ZNF469: variants seen among roughly 807,000 people sequenced by gnomAD.
ZNF469 encodes zinc finger protein 469.
ZNF469 carries 1 observed loss-of-function variant against 1.0 expected under a neutral mutation model. The observed-to-expected ratio is 1.00, with a 90% CI of 0.35 to 4.73. ZNF469 has a LOEUF of 4.73. Among genes scored for constraint, ZNF469 ranks in the 30% most tolerant of loss-of-function variants. The pLI, the probability that ZNF469 is intolerant of heterozygous loss-of-function variation, is 0.16. For missense variants in ZNF469, 6,100 were observed against 5,356.3 expected (o/e 1.14, Z -4.33); for synonymous variants, 2,703 against 2,363.4 (o/e 1.14, Z -4.17).
At chr16:88,135,886 G>A in the ZNF469 span, among the ~76,000 whole-genome samples, 85,373 of 149,796 alleles carry the variant, frequency 0.57, 27,751 homozygotes, top group Non-Finnish European at 0.75. Flanking sequence ...TCAGCCTCCC[G>A]AGTAGCTGGC....
chr16:88,249,413 C>CTT, the ZNF469 span, among the ~76,000 whole-genome samples: 52 of 101,162 alleles, frequency 5.1e-4, no homozygotes, highest in Non-Finnish European at 7.6e-4. Context: ...TTTTCTTTTT[C>CTT]TTTCTTTTTC....
At chr16:88,288,414 C>T in the ZNF469 span, among the ~76,000 whole-genome samples, 1 of 152,184 alleles carries the variant, frequency 6.6e-6, no homozygotes, top group African/African-American at 2.4e-5. Context: ...CCTTTGTTCA[C>T]CCCATTTTTA....
Position 88,437,750 on chromosome 16 carries a change from T to TCGC in ZNF469, c.10282_10284dup (p.Ala3428dup). The TCGC allele has an allele frequency of 1.3e-6, 2 of 1,549,682 alleles. No individual in the cohort carries two copies. The highest frequency in any genetic ancestry group is 1.7e-6 in the Non-Finnish European group (2 of 1,146,584). ...GCCTGCAGCTCCTGCAACTACACCTTCGCCAAGAAGGAGCAGTTCGACCGC... is the reference window on the plus strand; with the variant it reads ...GCCTGCAGCTCCTGCAACTACACCTTCGCCGCCAAGAAGGAGCAGTTCGACCGC... On this transcript the variant is annotated inframe_insertion, in exon 3 of 3. Transcript: ENST00000565624.
At chr16:88,335,467 C>T in the ZNF469 span, among the ~76,000 whole-genome samples, 2 of 152,322 alleles carry the variant, frequency 1.3e-5, no homozygotes, top group African/African-American at 4.8e-5. Context: ...GCTGGAACGT[C>T]CCCACAGGGC....
chr16:88,194,809 A>G, the ZNF469 span: 3 of 151,854 alleles, frequency 2.0e-5, no homozygotes, highest in African/African-American at 7.3e-5. Flanking sequence ...GGCAGCAAAG[A>G]AAAAAGCGCA....
chr16:88,115,065 C>T, the ZNF469 span, among the ~76,000 whole-genome samples: 3,022 of 152,260 alleles, frequency 0.02, 40 homozygotes, highest in African/African-American at 0.033. Context: ...ACGGTGGCTC[C>T]GCAGGGAAAC....
At chr16:88,198,458 G>A in the ZNF469 span, among the ~76,000 whole-genome samples, 1 of 152,240 alleles carries the variant, frequency 6.6e-6, no homozygotes, top group African/African-American at 2.4e-5. Context: ...GATCTGCACT[G>A]TCCAGTAAGG....
At chr16:88,265,977 C>T in the ZNF469 span, among the ~76,000 whole-genome samples, 6 of 152,342 alleles carry the variant, frequency 3.9e-5, no homozygotes, top group South Asian at 2.1e-4. Flanking sequence ...TTGCACATGA[C>T]GGGCCCTGAG....
Position 88,435,631 on chromosome 16 carries a change from G to A in ZNF469, c.8161G>A (p.Ala2721Thr). ...GGCTCTGTGTGCAGGGGAGACTGGG[G>A]CCCAGAAGCCACCTGGAGATCGGAT... ...QEALCAGETGAQKPPGDRMLC... is the reference protein window; with the variant it reads ...QEALCAGETGTQKPPGDRMLC... The change falls in exon 3 of 3, where the codon GCC (alanine) becomes ACC (threonine). Residue 2721 changes from alanine (A) to threonine (T), a missense_variant. Coordinates refer to ENST00000565624, the MANE Select transcript of ZNF469 (RefSeq NM_001367624.2). The A allele has an allele frequency of 6.4e-7, 1 of 1,550,420 alleles. No individual in the cohort carries two copies.
the ZNF469 span, among the ~76,000 whole-genome samples, chr16:88,147,328 T>A: frequency 6.6e-6 from 1 of 151,686 alleles, no homozygotes; most frequent in African/African-American, 2.4e-5. Flanking sequence ...GAGACTGGAG[T>A]CCCACGTCGA....
Position 88,438,366 on chromosome 16 carries a change from G to A in ZNF469, c.10896G>A (p.Arg3632=), listed in dbSNP as rs1906754457. Residue 3632 remains arginine (R), a synonymous_variant, in exon 3 of 3, where the codon AGG becomes AGA. Transcript: ENST00000565624. ...GKRRAPGARG[R]CAPDHFQEDH... ...GCAGGGCCCCGGGTGCCCGTGGCAG[G>A]TGTGCCCCTGACCATTTCCAGGAAG... 6.5e-7 allele frequency: 1 copy of A among 1,550,206 alleles called. No homozygotes were observed. The highest frequency in any genetic ancestry group is 8.7e-7 in the Non-Finnish European group (1 of 1,146,956).
the ZNF469 span, among the ~76,000 whole-genome samples, chr16:88,327,532 C>T: frequency 7.2e-5 from 11 of 152,184 alleles, no homozygotes; most frequent in East Asian, 2.1e-3. Flanking sequence ...CTGTGCCATC[C>T]TCAACATATC....
chr16:88,371,882 C>G, the ZNF469 span, among the ~76,000 whole-genome samples: 3 of 149,878 alleles, frequency 2.0e-5, no homozygotes, highest in East Asian at 6.0e-4. Context: ...GTCACCATCA[C>G]CATTATCACC....
chr16:88,426,067 G>A (rs936232504), intron 2 of ZNF469, among the ~76,000 whole-genome samples: 4 of 152,244 alleles, frequency 2.6e-5, no homozygotes, highest in Admixed American at 1.3e-4. Context: ...GGCGGCTGTA[G>A]TGCGGGAACT....
At chr16:88,153,896 A>T in the ZNF469 span, among the ~76,000 whole-genome samples, 3 of 152,266 alleles carry the variant, frequency 2.0e-5, no homozygotes, top group Admixed American at 2.0e-4. Flanking sequence ...CCTAGGGGGC[A>T]CCGGCCCCAG....
At chr16:88,399,180 C>A (rs982325894) in intron 1 of ZNF469, among the ~76,000 whole-genome samples, 6 of 152,206 alleles carry the variant, frequency 3.9e-5, no homozygotes, top group African/African-American at 1.4e-4. Context: ...CCAAGAGGCT[C>A]TGTGTGTTTG....
At chr16:88,267,645 C>T in the ZNF469 span, among the ~76,000 whole-genome samples, 1 of 151,892 alleles carries the variant, frequency 6.6e-6, no homozygotes, top group East Asian at 1.9e-4. Flanking sequence ...CACAGGGCCC[C>T]CAGGTGTGGA....
chr16:88,374,004 TA>T, the ZNF469 span, among the ~76,000 whole-genome samples: 668 of 143,036 alleles, frequency 4.7e-3, 6 homozygotes, highest in African/African-American at 0.013. Flanking sequence ...TGTCTAAAAT[TA>T]AAAAAAAAAA....
the ZNF469 span, among the ~76,000 whole-genome samples, chr16:88,131,220 C>T: frequency 1.3e-5 from 2 of 152,208 alleles, no homozygotes; most frequent in East Asian, 1.9e-4. Flanking sequence ...AATCACACCC[C>T]GTTGAATAAA....
Sources: gnomAD v4.1 joint callset for allele counts (sites outside exome capture counted in the v4.1 genomes callset) on GRCh38, gnomAD v4.1.1 for gene constraint, MANE v1.5 for transcripts, NCBI Gene and HGNC (gene_info 2026-07-23, HGNC 2026-07-21) for gene names.